KCNH8: variants seen among roughly 807,000 people sequenced by gnomAD.
KCNH8 encodes potassium voltage-gated channel subfamily H member 8, also known as voltage-gated delayed rectifier potassium channel KCNH8.
In KCNH8, 70 loss-of-function variants were observed where a neutral mutation model predicts 103.6. The observed-to-expected ratio is 0.68, with a 90% CI of 0.56 to 0.82. The LOEUF is 0.82. Among genes scored for constraint, KCNH8 ranks in the 40% least tolerant of loss-of-function variants. The pLI is 0.00. For synonymous variants in KCNH8, 498 were observed against 489.4 expected, an observed-to-expected ratio of 1.02 and a Z score of -0.23; for missense variants, 1,217 against 1,329.9, an observed-to-expected ratio of 0.92 and a Z score of 1.32.
intron 8 of KCNH8, among the ~76,000 whole-genome samples, chr3:19,438,813 T>C (rs1473918264): frequency 6.6e-6 from 1 of 152,194 alleles, no homozygotes; most frequent in African/African-American, 2.4e-5. Flanking sequence ...CTGGTCCACA[T>C]TGTGGCCTTG....
chr3:19,483,403 T>G (rs113496039), intron 11 of KCNH8, among the ~76,000 whole-genome samples: 57 of 151,820 alleles, frequency 3.8e-4, no homozygotes, highest in African/African-American at 1.4e-3. Context: ...GTGAGTGGAT[T>G]TTTTTTTTCT....
intron 8 of KCNH8, among the ~76,000 whole-genome samples, chr3:19,441,427 T>C (rs1197892841): frequency 2.6e-5 from 4 of 152,234 alleles, no homozygotes; most frequent in African/African-American, 9.6e-5. Flanking sequence ...GTAATTTCTT[T>C]CTTCTAAATC....
intron 1 of KCNH8, among the ~76,000 whole-genome samples, chr3:19,242,950 C>T (rs2064160448): frequency 6.6e-6 from 1 of 152,144 alleles, no homozygotes; most frequent in Non-Finnish European, 1.5e-5. Context: ...AGCCATCCTC[C>T]ACTGAACTCA....
chr3:19,235,453 A>G (rs56234139), intron 1 of KCNH8, among the ~76,000 whole-genome samples: 280 of 152,284 alleles, frequency 1.8e-3, no homozygotes, highest in Non-Finnish European at 2.8e-3. Flanking sequence ...TCTTCTGGGG[A>G]AAGATGAGAG....
intron 7 of KCNH8, among the ~76,000 whole-genome samples, chr3:19,415,500 T>C (rs1037067739): frequency 2.6e-5 from 4 of 151,780 alleles, no homozygotes; most frequent in African/African-American, 9.7e-5. Context: ...TGTTGATTTA[T>C]TCATTTGGGT....
chr3:19,424,776 G>A (rs2067002428), intron 7 of KCNH8, among the ~76,000 whole-genome samples: 1 of 151,914 alleles, frequency 6.6e-6, no homozygotes, highest in Non-Finnish European at 1.5e-5. Flanking sequence ...ATAAAAAAGT[G>A]GGCAAAGGAC....
rs530683809 is a variant in KCNH8, at chr3:19,291,566, C to G, written c.442+10237C>G. ...TAGTTGAGCGGTTTTGAGTGAGTTTCTTAATCCTGAGTTCTAGTTTGATTG... is the reference window on the plus strand; with the variant it reads ...TAGTTGAGCGGTTTTGAGTGAGTTTGTTAATCCTGAGTTCTAGTTTGATTG... On this transcript the variant is annotated intron_variant, in intron 3 of 15. Coordinates refer to ENST00000328405, the MANE Select transcript of KCNH8 (RefSeq NM_144633.3). 6.0e-4 allele frequency among the ~76,000 whole-genome samples: 92 copies of G among 152,292 alleles called. 1 individual carries two copies. Among genetic ancestry groups the G allele is most frequent in the African/African-American group, 1.7e-3 (72 of 41,562 alleles).
chr3:19,296,371 G>T (rs2064997026), intron 3 of KCNH8, among the ~76,000 whole-genome samples: 1 of 152,214 alleles, frequency 6.6e-6, no homozygotes, highest in Non-Finnish European at 1.5e-5. Flanking sequence ...TATGCAATGT[G>T]GGAGGTGAGC....
Position 19,535,519 on chromosome 3 carries a change from C to CAGTT in KCNH8, c.*1422_*1425dup, listed in dbSNP as rs369970995. On this transcript the variant is annotated 3_prime_UTR_variant, in exon 16 of 16. Transcript: ENST00000328405. ...TAAAGTCTTATTTTATGTTTTAGAA[C>CAGTT]AGTTACAGTCTAATTGTCTTGGACA... is the stretch of plus-strand genomic sequence containing the variant. 6 of 152,098 alleles carry CAGTT rather than the reference C, an allele frequency of 3.9e-5. No individual in the cohort carries two copies. The highest frequency in any genetic ancestry group is 4.8e-5 in the African/African-American group (2 of 41,414). The allele number at this position is 152,098 out of a possible 1,614,324, so 9.4% of individuals were successfully genotyped here. A position where few individuals can be genotyped will look rare whatever the true frequency, so the allele number is the denominator to read the frequency against.
intron 3 of KCNH8, among the ~76,000 whole-genome samples, chr3:19,297,032 A>G (rs750457602): frequency 4.6e-5 from 7 of 152,188 alleles, no homozygotes; most frequent in Non-Finnish European, 7.4e-5. Flanking sequence ...ACATATCCAG[A>G]TGGAATATGA....
intron 11 of KCNH8, among the ~76,000 whole-genome samples, chr3:19,489,139 C>T (rs988352405): frequency 6.6e-6 from 1 of 152,104 alleles, no homozygotes; most frequent in Non-Finnish European, 1.5e-5. Context: ...AGCTTTACTT[C>T]CTCTTTTGTC....
intron 11 of KCNH8, among the ~76,000 whole-genome samples, chr3:19,506,369 A>G (rs2068693061): frequency 6.6e-6 from 1 of 152,180 alleles, no homozygotes; most frequent in African/African-American, 2.4e-5. Flanking sequence ...GGCTTTGTGC[A>G]GGGCCTTTAT....
chr3:19,491,101 TATTC>T (rs2068310128), intron 11 of KCNH8, among the ~76,000 whole-genome samples: 1 of 152,204 alleles, frequency 6.6e-6, no homozygotes, highest in Non-Finnish European at 1.5e-5. Context: ...TAAATGAAAT[TATTC>T]AGATAGCCCA....
At chr3:19,441,170 G>C (rs2067278904) in intron 8 of KCNH8, among the ~76,000 whole-genome samples, 1 of 152,122 alleles carries the variant, frequency 6.6e-6, no homozygotes. Context: ...AGACAATCTT[G>C]CATCAGTCAG....
intron 3 of KCNH8, among the ~76,000 whole-genome samples, chr3:19,282,582 G>T (rs1310736433): frequency 6.6e-6 from 1 of 152,064 alleles, no homozygotes; most frequent in African/African-American, 2.4e-5. Flanking sequence ...AGAAATACAT[G>T]ACTTTTTTTT....
chr3:19,467,095 C>T (rs554735518), intron 11 of KCNH8, among the ~76,000 whole-genome samples: 85 of 152,206 alleles, frequency 5.6e-4, no homozygotes, highest in African/African-American at 2.0e-3. Flanking sequence ...TCATATGACT[C>T]ACTTTACTGA....
At position 19,400,097 on chromosome 3, in the gene KCNH8, A is replaced by G. The variant is rs969752505; in HGVS notation, c.1177+4786A>G. ...TTGGCCAAGCTAAAATCACATGCTC[A>G]GACACAGACTGCCAGGACAAGAAGA... On this transcript the variant is annotated intron_variant, in intron 7 of 15. Transcript: ENST00000328405. Among the ~76,000 whole-genome samples, 7 of 151,770 alleles carry G rather than the reference A, an allele frequency of 4.6e-5. No individual in the cohort carries two copies. The South Asian group carries it at 1.5e-3, about 32-fold the overall frequency.
At chr3:19,485,201 T>C (rs1223977843) in intron 11 of KCNH8, among the ~76,000 whole-genome samples, 1 of 152,140 alleles carries the variant, frequency 6.6e-6, no homozygotes, top group African/African-American at 2.4e-5. Flanking sequence ...GAATAAGATC[T>C]CAGAGAAGCA....
rs1233788527 is a variant in KCNH8, at chr3:19,242,249, A to G, written c.77-11405A>G. 2.6e-5 allele frequency among the ~76,000 whole-genome samples: 4 copies of G among 152,202 alleles called. No individual in the cohort carries two copies. The East Asian group carries it at 7.7e-4, about 29-fold the overall frequency. On this transcript the variant is annotated intron_variant, in intron 1 of 15. Transcript: ENST00000328405. The stretch of plus-strand genomic sequence containing the variant: ...ATTTCTAGGTAGTATAACCAAAAGC[A>G]GGTGTTAAATCCACATGTGGATTAG...
Sources: allele counts gnomAD v4.1 joint callset (sites outside exome capture counted in the v4.1 genomes callset), GRCh38; gene constraint gnomAD v4.1.1; transcripts MANE v1.5; gene names NCBI Gene and HGNC (gene_info 2026-07-23, HGNC 2026-07-21).